Variants in PCDHA4 observed in about 807,000 individuals in gnomAD.
The protein encoded by PCDHA4 is protocadherin alpha 4, also known as protocadherin alpha-4.
A neutral mutation model predicts 61.4 loss-of-function variants in PCDHA4; 49 were observed. That is an observed-to-expected ratio of 0.80 (90% confidence interval 0.63 to 1.01). The LOEUF is 1.01. Among genes scored for constraint, PCDHA4 ranks in the 50% least tolerant of loss-of-function variants. PCDHA4 has a pLI of 0.00. For missense variants in PCDHA4, 1,254 were observed against 1,235.8 expected, an observed-to-expected ratio of 1.01 and a Z score of -0.22; for synonymous variants, 590 against 550.3, an observed-to-expected ratio of 1.07 and a Z score of -1.01.
intron 1 of PCDHA4, among the ~76,000 whole-genome samples, chr5:140,832,988 T>G (rs1772237826): frequency 6.6e-6 from 1 of 152,168 alleles, no homozygotes; most frequent in Admixed American, 6.6e-5. Context: ...AAATGAGGAA[T>G]AGTCCACTTT....
rs1040745756 is a variant in PCDHA4 at position 140,822,281 on chromosome 5, A to G, written c.2385+12709A>G. 27 of 1,614,142 alleles carry G rather than the reference A, an allele frequency of 1.7e-5. No homozygotes were observed. The highest frequency in any genetic ancestry group is 4.5e-5 in the East Asian group (2 of 44,900). On this transcript the variant is annotated intron_variant, in intron 1 of 3. Coordinates refer to ENST00000530339, the MANE Select transcript of PCDHA4 (RefSeq NM_018907.4). ...ATTGGAGCAAATGCACAATTGAGAT[A>G]CAGGTTAAATCCAAACGAATATTTT...
At chr5:140,848,345 G>A (rs1781463859) in intron 1 of PCDHA4, 3 of 918,556 alleles carry the variant, frequency 3.3e-6, no homozygotes, top group South Asian at 3.3e-5. Context: ...GACAAATACA[G>A]CCCTTTTCCC....
intron 1 of PCDHA4, among the ~76,000 whole-genome samples, chr5:140,903,405 G>A (rs2070271184): frequency 6.6e-6 from 1 of 152,184 alleles, no homozygotes; most frequent in Non-Finnish European, 1.5e-5. Flanking sequence ...CAGTAGTGCA[G>A]TCAGGAAAAA....
rs782212508 is a variant in PCDHA4, at chr5:140,809,505, G to T, written c.2318G>T (p.Ser773Ile). The stretch of plus-strand genomic sequence containing the variant: ...CCCAAGACCGACCTCATGGCCTTCA[G>T]CCCCAGTTTACCTGACTCTAGGGAC... ...GPPKTDLMAF[S>I]PSLPDSRDRE... Residue 773 changes from serine to isoleucine, a missense_variant, in exon 1 of 4, where the codon AGC becomes ATC. Coordinates refer to ENST00000530339, the MANE Select transcript of PCDHA4 (RefSeq NM_018907.4). The T allele has an allele frequency of 1.2e-6, 2 of 1,614,224 alleles. No homozygotes were observed. The highest frequency in any genetic ancestry group is 2.2e-5 in the South Asian group (2 of 91,086).
intron 1 of PCDHA4, among the ~76,000 whole-genome samples, chr5:140,889,615 T>C (rs1261276866): frequency 6.6e-6 from 1 of 152,184 alleles, no homozygotes; most frequent in Non-Finnish European, 1.5e-5. Flanking sequence ...ATTATACTGA[T>C]TCATTTCTCT....
intron 1 of PCDHA4, among the ~76,000 whole-genome samples, chr5:140,827,687 G>T (rs2150148764): frequency 6.6e-6 from 1 of 152,200 alleles, no homozygotes; most frequent in South Asian, 2.1e-4. Context: ...TTGCTGAACT[G>T]GTTGATATTA....
rs2150443842 is a variant in PCDHA4 at position 140,849,644 on chromosome 5, G to A, written c.2385+40072G>A. 141 of 1,598,706 alleles carry A rather than the reference G, an allele frequency of 8.8e-5. 10 individuals are homozygous for A. In the East Asian group the frequency reaches 1.0e-3, roughly 12 times the overall value. ...TCGACCTAGACGCAGATGCCAACGG[G>A]CAGGTTACCTGCTCCCTGACGCCCC... On this transcript the variant is annotated intron_variant, in intron 1 of 3. Coordinates refer to ENST00000530339, the MANE Select transcript of PCDHA4 (RefSeq NM_018907.4).
chr5:140,844,004 C>G (rs1427252169), intron 1 of PCDHA4, among the ~76,000 whole-genome samples: 1 of 149,654 alleles, frequency 6.7e-6, no homozygotes, highest in Non-Finnish European at 1.5e-5. Context: ...CTGAACAATA[C>G]TCTAAGGACG....
chr5:140,836,110 C>T, intron 1 of PCDHA4: 1 of 1,613,694 alleles, frequency 6.2e-7, no homozygotes, highest in Non-Finnish European at 8.5e-7. Flanking sequence ...ACTGGTGGCG[C>T]AGTGAGAGAG....
At chr5:140,982,296 C>A in intron 2 of PCDHA4, 179 bp from the exon 3 acceptor site, 1 of 1,167,132 alleles carries the variant, frequency 8.6e-7, no homozygotes, top group Non-Finnish European at 1.2e-6. Flanking sequence ...AGTAAGTCAG[C>A]AATGCTTCTG....
intron 1 of PCDHA4, chr5:140,926,741 A>G (rs572260372): frequency 1.7e-6 from 2 of 1,192,504 alleles, no homozygotes; most frequent in South Asian, 2.4e-5. Flanking sequence ...GGGAGGCGCA[A>G]CGTCGGCGGT....
intron 1 of PCDHA4, among the ~76,000 whole-genome samples, chr5:140,941,235 C>CT: frequency 7.4e-6 from 1 of 135,248 alleles, no homozygotes; most frequent in Non-Finnish European, 1.6e-5. Context: ...TTCTTTCTTT[C>CT]TTTCTTTCTT....
chr5:140,836,947 T>C (rs1208330936), intron 1 of PCDHA4: 5 of 442,006 alleles, frequency 1.1e-5, no homozygotes, highest in Non-Finnish European at 1.9e-5. Flanking sequence ...GATCAAAATC[T>C]ATGGTTTATG....
intron 3 of PCDHA4, among the ~76,000 whole-genome samples, chr5:140,985,892 A>G (rs2097176300): frequency 1.3e-5 from 2 of 151,830 alleles, no homozygotes; most frequent in Non-Finnish European, 2.9e-5. Flanking sequence ...GGCGCCCGCC[A>G]CCACTCCCGT....
At chr5:140,837,881 G>T (rs1360398902) in intron 1 of PCDHA4, among the ~76,000 whole-genome samples, 2 of 151,490 alleles carry the variant, frequency 1.3e-5, no homozygotes, top group Admixed American at 6.6e-5. Flanking sequence ...GTGGAGTCTT[G>T]TTTCCCAGGC....
chr5:140,883,147 T>C, intron 1 of PCDHA4: 2 of 1,614,064 alleles, frequency 1.2e-6, no homozygotes, highest in Non-Finnish European at 1.7e-6. Context: ...TATATGCATT[T>C]ACCATAAATC....
At chr5:140,934,690 T>C (rs1263392505) in intron 1 of PCDHA4, among the ~76,000 whole-genome samples, 1 of 152,198 alleles carries the variant, frequency 6.6e-6, no homozygotes, top group Non-Finnish European at 1.5e-5. Flanking sequence ...AAACAATGAA[T>C]TGATTCCTGG....
At chr5:140,856,951 A>G in intron 1 of PCDHA4, 2 of 1,593,156 alleles carry the variant, frequency 1.3e-6, no homozygotes, top group Non-Finnish European at 1.7e-6. Context: ...CGGGAGAAAT[A>G]AAAGTAAATG....
At chr5:140,927,297 G>C in intron 1 of PCDHA4, 1 of 1,614,150 alleles carries the variant, frequency 6.2e-7, no homozygotes, top group Non-Finnish European at 8.5e-7. Context: ...ACATCCCCGA[G>C]TTCCTGACGC....
Sources: gnomAD v4.1 joint callset for allele counts (sites outside exome capture counted in the v4.1 genomes callset) on GRCh38, gnomAD v4.1.1 for gene constraint, MANE v1.5 for transcripts, NCBI Gene and HGNC (gene_info 2026-07-23, HGNC 2026-07-21) for gene names.